Variants in ZNF740 observed in about 807,000 individuals in gnomAD.
ZNF740 encodes oriLyt TD-element-binding protein 7.
ZNF740 carries 14 observed loss-of-function variants against 24.8 expected under a neutral mutation model. The observed-to-expected ratio is 0.56, with a 90% CI of 0.37 to 0.88. ZNF740 has a LOEUF of 0.88. ZNF740 is among the 40% of genes least tolerant of loss of function. The pLI is 0.00. For synonymous variants in ZNF740, 69 were observed against 84.0 expected, an observed-to-expected ratio of 0.82 and a Z score of 0.98; for missense variants, 201 against 247.9, an observed-to-expected ratio of 0.81 and a Z score of 1.27.
chr12:53,194,220 T>C lies in ZNF740; in HGVS notation c.*6630T>C. 1 of 1,614,086 alleles carries C rather than the reference T, an allele frequency of 6.2e-7. No homozygotes were observed. On this transcript the variant is annotated 3_prime_UTR_variant, in exon 7 of 7. Transcript: ENST00000416904. ...CACCGTCTGGTTGATTCGGACGTGGTTGCACTGTCCTCGATCCTCAGCCTT... is the reference window on the plus strand; with the variant it reads ...CACCGTCTGGTTGATTCGGACGTGGCTGCACTGTCCTCGATCCTCAGCCTT...
rs2120363891 is a variant in ZNF740, at chr12:53,188,288, G to A, written c.*698G>A. On this transcript the variant is annotated 3_prime_UTR_variant, in exon 7 of 7. Transcript: ENST00000416904. ...ACCTCTTCCTTCCTCAAGGGAAAAG[G>A]AAGAGTTGTGCCAGTGGGTGTTGTC... 6.5e-6 allele frequency: 1 copy of A among 152,878 alleles called. No homozygotes were observed. Among genetic ancestry groups the A allele is most frequent in the East Asian group, 1.9e-4 (1 of 5,192 alleles). 9.5% of individuals were successfully genotyped at this position (152,878 alleles called of 1,614,324 possible).
rs1339849204 is a variant in ZNF740, at chr12:53,191,852, T to G, written c.*4262T>G. On this transcript the variant is annotated 3_prime_UTR_variant, in exon 7 of 7. Transcript: ENST00000416904. ...TAAAAAGGGGCCTAACCAGGAAGTC[T>G]CCTCACCTGCTTCCAGTTGAGTTGT... The G allele has an allele frequency of 9.9e-6, 16 of 1,612,724 alleles. No individual in the cohort carries two copies. Among genetic ancestry groups the G allele is most frequent in the Non-Finnish European group, 1.4e-5 (16 of 1,179,718 alleles).
At position 53,191,200 on chromosome 12, in the gene ZNF740, G is replaced by A. The variant is rs115553618; in HGVS notation, c.*3610G>A. 2.5e-3 allele frequency: 740 copies of A among 290,866 alleles called. 6 individuals carry two copies. The highest frequency in any genetic ancestry group is 4.2e-3 in the Non-Finnish European group (619 of 147,712). The allele number at this position is 290,866 out of a possible 1,614,324, so 18.0% of individuals were successfully genotyped here. On this transcript the variant is annotated 3_prime_UTR_variant, in exon 7 of 7. Transcript: ENST00000416904. ...CACCCCGGGAGTTTCCTGCACATTC[G>A]CGCTTGGGCACCTCTCCCTGCCCTC...
chr12:53,194,403 C>T lies in ZNF740; in HGVS notation c.*6813C>T, dbSNP rs1942084493. 4 of 1,548,936 alleles carry T rather than the reference C, an allele frequency of 2.6e-6. No homozygotes were observed. In the African/African-American group the frequency reaches 4.1e-5, roughly 16 times the overall value. The stretch of plus-strand genomic sequence containing the variant: ...AGGCAGAAAAGGACTCCAACCCCAC[C>T]TTATGTCCTCTCCAGGTGTTCCCAA... On this transcript the variant is annotated 3_prime_UTR_variant, in exon 7 of 7. Transcript: ENST00000416904.
Position 53,192,273 on chromosome 12 carries a change from A to G in ZNF740, c.*4683A>G. 6.5e-7 allele frequency: 1 copy of G among 1,549,862 alleles called. No individual in the cohort carries two copies. Among genetic ancestry groups the G allele is most frequent in the South Asian group, 1.1e-5 (1 of 89,696 alleles). On this transcript the variant is annotated 3_prime_UTR_variant, in exon 7 of 7. Coordinates refer to ENST00000416904, the MANE Select transcript of ZNF740 (RefSeq NM_001004304.4). ...CCCATTATCTTCACTCTGCATCCCC[A>G]GAGTTGAGACCCTGCCCATCAAACT...
chr12:53,185,662 G>A (rs995515296), intron 4 of ZNF740, among the ~76,000 whole-genome samples, 186 bp downstream of exon 4: 1 of 152,226 alleles, frequency 6.6e-6, no homozygotes. Context: ...TGCTGGAACA[G>A]TAATGGTACA....
At chr12:53,186,166 A>G (rs1025623664) in intron 5 of ZNF740, 89 bp downstream of exon 5, 46 of 1,472,860 alleles carry the variant, frequency 3.1e-5, no homozygotes, top group Non-Finnish European at 4.2e-5. Flanking sequence ...GTTTATTTTA[A>G]TGGGTAAGTA....
intron 2 of ZNF740, among the ~76,000 whole-genome samples, chr12:53,182,399 G>A: frequency 6.6e-6 from 1 of 152,240 alleles, no homozygotes; most frequent in Middle Eastern, 3.4e-3. Flanking sequence ...GATTGTCCTT[G>A]TCCCCAGTGA....
Position 53,194,304 on chromosome 12 carries a change from G to GGGA in ZNF740, c.*6716_*6718dup, listed in dbSNP as rs1233703655. The GGGA allele has an allele frequency of 6.2e-7, 1 of 1,613,968 alleles. No homozygotes were observed. Among genetic ancestry groups the GGGA allele is most frequent in the African/African-American group, 1.3e-5 (1 of 74,890 alleles). Reference sequence around the variant, plus strand: ...TTCGTAAGAAATGTGGACCCCAGGAGGGAGTGAAGAGTGTTCAAGGGTCAC... The same window carrying GGGA: ...TTCGTAAGAAATGTGGACCCCAGGAGGGAGGAGTGAAGAGTGTTCAAGGGTCAC... On this transcript the variant is annotated 3_prime_UTR_variant, in exon 7 of 7. Coordinates refer to ENST00000416904, the MANE Select transcript of ZNF740 (RefSeq NM_001004304.4).
rs753838138 is a variant in ZNF740 at position 53,185,047 on chromosome 12, C to T, written c.159+7C>T. The T allele has an allele frequency of 2.4e-5, 38 of 1,613,260 alleles. No homozygotes were observed. The highest frequency in any genetic ancestry group is 3.3e-5 in the South Asian group (3 of 91,072). Reference sequence around the variant, plus strand: ...GCTGAGGTGCTCGAGTCAGGTACAGCGCTTGAGTCCATTGTGGCACCTGGG... The same window carrying T: ...GCTGAGGTGCTCGAGTCAGGTACAGTGCTTGAGTCCATTGTGGCACCTGGG... On this transcript the variant is annotated splice_region_variant and intron_variant, in intron 3 of 6. Transcript: ENST00000416904.
At chr12:53,185,184 A>G (rs1367510152) in intron 3 of ZNF740, 144 bp downstream of exon 3, 3 of 1,375,712 alleles carry the variant, frequency 2.2e-6, no homozygotes, top group Admixed American at 2.2e-5. Context: ...GAACATTGGT[A>G]TTTCAGAAAG....
intron 2 of ZNF740, among the ~76,000 whole-genome samples, chr12:53,184,128 TGTGTGTGTGTGTGTGTGTGTGTGCGC>T: frequency 8.2e-6 from 1 of 121,742 alleles, no homozygotes; most frequent in Non-Finnish European, 1.7e-5. Context: ...TGTGTGTGTG[TGTGTGTGTGTGTGTGTGTGTGTGCGC>T]GCGCGCGCTC....
In ZNF740 at chr12:53,184,150, T is replaced by TGTGTGTGC. The variant is rs59250662; in HGVS notation, c.10-740_10-739insTGTGTGCG. Among the ~76,000 whole-genome samples the TGTGTGTGC allele has an allele frequency of 4.9e-3, 507 of 104,392 alleles. 7 individuals are homozygous for TGTGTGTGC. Among genetic ancestry groups the TGTGTGTGC allele is most frequent in the East Asian group, 0.037 (133 of 3,566 alleles). The allele number at this position is 104,392 out of a possible 152,430, so 68.5% of individuals were successfully genotyped here. A position where few individuals can be genotyped will look rare whatever the true frequency, so the allele number is the denominator to read the frequency against. On this transcript the variant is annotated intron_variant, in intron 2 of 6. Coordinates refer to ENST00000416904, the MANE Select transcript of ZNF740 (RefSeq NM_001004304.4). ...GTGTGTGTGTGTGTGTGTGTGTGTG[T>TGTGTGTGC]GCGCGCGCGCGCTCTGAAGCTAAGG...
intron 2 of ZNF740, among the ~76,000 whole-genome samples, chr12:53,182,626 C>G (rs915560729): frequency 1.3e-5 from 2 of 151,924 alleles, no homozygotes; most frequent in African/African-American, 4.8e-5. Flanking sequence ...GCTAAACAAG[C>G]GAGAAGGGTG....
chr12:53,186,685 T>G, intron 6 of ZNF740, 176 bp downstream of exon 6: 1 of 545,270 alleles, frequency 1.8e-6, no homozygotes, highest in South Asian at 2.4e-5. Flanking sequence ...GGAGCAGCAA[T>G]TAGAACATTG....
In ZNF740 at chr12:53,181,808, C is replaced by T. The variant is rs751146683; in HGVS notation, c.-176C>T. On this transcript the variant is annotated 5_prime_UTR_variant, in exon 2 of 7. Coordinates refer to ENST00000416904, the MANE Select transcript of ZNF740 (RefSeq NM_001004304.4). ...GGGATTCTTGGAACACCTATCTTTT[C>T]TTCGGAGGACACTAAGTTCTATTTG... 13 of 779,338 alleles carry T rather than the reference C, an allele frequency of 1.7e-5. No homozygotes were observed. The highest frequency in any genetic ancestry group is 2.4e-5 in the Non-Finnish European group (12 of 492,088). The allele number at this position is 779,338 out of a possible 1,614,324, so 48.3% of individuals were successfully genotyped here.
rs1941662401 is a variant in ZNF740, at chr12:53,181,978, A to T, written c.-6A>T. 14 of 1,607,846 alleles carry T rather than the reference A, an allele frequency of 8.7e-6. No homozygotes were observed. The highest frequency in any genetic ancestry group is 1.0e-5 in the Non-Finnish European group (12 of 1,177,022). ...ACTTTTGGGTTGCCTTAAGTGAGAAATCAGCATGGCTCAGGTAAAAAGCTC... is the reference window on the plus strand; with the variant it reads ...ACTTTTGGGTTGCCTTAAGTGAGAATTCAGCATGGCTCAGGTAAAAAGCTC... On this transcript the variant is annotated 5_prime_UTR_variant, in exon 2 of 7. Transcript: ENST00000416904.
In ZNF740 at chr12:53,193,086, A is replaced by C; in HGVS notation, c.*5496A>C. The C allele has an allele frequency of 6.7e-7, 1 of 1,501,704 alleles. No homozygotes were observed. The highest frequency in any genetic ancestry group is 9.2e-7 in the Non-Finnish European group (1 of 1,091,738). 93.0% of individuals were successfully genotyped at this position (1,501,704 alleles called of 1,614,324 possible). A position where few individuals can be genotyped will look rare whatever the true frequency, so the allele number is the denominator to read the frequency against. ...CATGCCAGGAGATTCCCAGAGCCTA[A>C]GTGCCTTGGGAAGGCCTCTCAGACC... On this transcript the variant is annotated 3_prime_UTR_variant, in exon 7 of 7. Transcript: ENST00000416904.
At position 53,191,564 on chromosome 12, in the gene ZNF740, T is replaced by A. The variant is rs1386027704; in HGVS notation, c.*3974T>A. On this transcript the variant is annotated 3_prime_UTR_variant, in exon 7 of 7. Transcript: ENST00000416904. ...AAGTGTCCCTCCCTCCTTCAGAGAG[T>A]GGGACTGTCTGCCTCTTGAAAGCGA... The A allele has an allele frequency of 2.5e-6, 4 of 1,608,378 alleles. No individual in the cohort carries two copies. In the South Asian group the frequency reaches 3.3e-5, roughly 13 times the overall value.
Sources: gnomAD v4.1 joint callset for allele counts (sites outside exome capture counted in the v4.1 genomes callset) on GRCh38, gnomAD v4.1.1 for gene constraint, MANE v1.5 for transcripts, NCBI Gene and HGNC (gene_info 2026-07-23, HGNC 2026-07-21) for gene names.